Variants in LAP3 observed in about 807,000 individuals in gnomAD.
LAP3 encodes the protein leucine aminopeptidase 3.
LAP3 carries 46 observed loss-of-function variants against 58.8 expected under a neutral mutation model. The observed-to-expected ratio is 0.78, with a 90% confidence interval of 0.62 to 1.00. The LOEUF (loss-of-function observed/expected upper bound fraction) is 1.00, where lower values mean the gene tolerates loss of function less well. LAP3 is among the 50% of genes least tolerant of loss of function. The pLI, the probability that LAP3 is intolerant of heterozygous loss-of-function variation, is 0.00. For missense variants in LAP3, 615 were observed against 659.1 expected (o/e 0.93, Z 0.73); for synonymous variants, 257 against 237.7 (o/e 1.08, Z -0.75).
At position 17,577,222 on chromosome 4, in the gene LAP3, A is replaced by T; in HGVS notation, c.-244A>T. On this transcript the variant is annotated 5_prime_UTR_variant, in exon 1 of 13. The change abolishes an upstream ATG in the 5' untranslated region. Coordinates refer to ENST00000226299, the MANE Select transcript of LAP3 (RefSeq NM_015907.3). Reference sequence around the variant, plus strand: ...CGCACACGAATGCGGGCGCACACGAATGCGGGCGCACACGAATGCGGGCGC... The same window carrying T: ...CGCACACGAATGCGGGCGCACACGATTGCGGGCGCACACGAATGCGGGCGC... The T allele has an allele frequency of 2.8e-6, 1 of 357,890 alleles. No individual in the cohort carries two copies. Among genetic ancestry groups the T allele is most frequent in the Non-Finnish European group, 5.0e-6 (1 of 200,540 alleles). The allele number at this position is 357,890 out of a possible 1,614,324, so 22.2% of individuals were successfully genotyped here.
intron 12 of LAP3, among the ~76,000 whole-genome samples, 171 bp from the exon 13 acceptor site, chr4:17,607,229 T>A (rs1433520808): frequency 1.3e-5 from 2 of 152,218 alleles, no homozygotes; most frequent in South Asian, 2.1e-4. Context: ...CTTTACTGCT[T>A]AAAGCAATAT....
At chr4:17,598,614 G>C in intron 10 of LAP3, 56 bp downstream of exon 10, 1 of 1,226,762 alleles carries the variant, frequency 8.2e-7, no homozygotes, top group Non-Finnish European at 1.2e-6. Flanking sequence ...TCGTTGCATG[G>C]ATTTCACACA....
intron 12 of LAP3, 34 bp from the exon 13 acceptor site, chr4:17,607,366 G>A (rs763448238): frequency 6.4e-7 from 1 of 1,572,758 alleles, no homozygotes; most frequent in East Asian, 2.3e-5. Context: ...ACATTTACAT[G>A]GGGTTGTAAA....
intron 9 of LAP3, among the ~76,000 whole-genome samples, chr4:17,597,901 C>T (rs191931948): frequency 1.2e-3 from 184 of 152,262 alleles, no homozygotes; most frequent in African/African-American, 4.0e-3. Flanking sequence ...ACTCAGAAAA[C>T]GACTGGACCT....
chr4:17,590,948 T>C (rs1001365221), intron 7 of LAP3, among the ~76,000 whole-genome samples: 5 of 108,772 alleles, frequency 4.6e-5, no homozygotes, highest in African/African-American at 1.5e-4. Context: ...TTTTTTTTTT[T>C]AGTAGAGACG....
intron 4 of LAP3, 113 bp downstream of exon 4, chr4:17,582,506 A>G: frequency 1.3e-6 from 1 of 744,688 alleles, no homozygotes; most frequent in South Asian, 1.8e-5. Context: ...TTCACACAGA[A>G]ATAATTCATC....
At chr4:17,595,386 T>G (rs1282025888) in intron 7 of LAP3, 24 bp from the exon 8 acceptor site, 3 of 1,611,824 alleles carry the variant, frequency 1.9e-6, no homozygotes, top group Non-Finnish European at 2.5e-6. Flanking sequence ...CTCTTAATAT[T>G]GCACGTTGTC....
At chr4:17,581,586 AAAAAAG>A (rs1042169499) in intron 2 of LAP3, among the ~76,000 whole-genome samples, 168 bp from the exon 3 acceptor site, 10 of 152,166 alleles carry the variant, frequency 6.6e-5, no homozygotes, top group Non-Finnish European at 7.3e-5. Context: ...TTAAAAAAAA[AAAAAAG>A]AAAGAAATCT....
At chr4:17,586,610 G>A (rs2109019445) in intron 6 of LAP3, among the ~76,000 whole-genome samples, 1 of 152,244 alleles carries the variant, frequency 6.6e-6, no homozygotes, top group South Asian at 2.1e-4. Context: ...GAATAGGGAG[G>A]TAAATGGCAT....
At chr4:17,593,738 G>A (rs9995197) in intron 7 of LAP3, among the ~76,000 whole-genome samples, 5 of 147,030 alleles carry the variant, frequency 3.4e-5, no homozygotes, top group African/African-American at 1.0e-4. Context: ...TCAACCTCCC[G>A]AGTAGCTGGG....
In LAP3 at chr4:17,606,921, C is replaced by A; in HGVS notation, c.1353C>A (p.Asn451Lys). The A allele has an allele frequency of 6.2e-7, 1 of 1,609,166 alleles. No individual in the cohort carries two copies. Among genetic ancestry groups the A allele is most frequent in the Non-Finnish European group, 8.5e-7 (1 of 1,176,400 alleles). ...QVVDCQLADV[N>K]NIGKYRSAGA... ...TAGATTGCCAGCTTGCTGATGTTAACAACATTGGAAAATACAGGTATGTAA... is the reference window on the plus strand; with the variant it reads ...TAGATTGCCAGCTTGCTGATGTTAAAAACATTGGAAAATACAGGTATGTAA... The change falls in exon 12 of 13, where the codon AAC (asparagine) becomes AAA (lysine). Residue 451 changes from asparagine to lysine, a missense_variant. Transcript: ENST00000226299.
At chr4:17,606,728 A>G (rs1714152427) in intron 11 of LAP3, 101 bp from the exon 12 acceptor site, 2 of 650,058 alleles carry the variant, frequency 3.1e-6, no homozygotes, top group Non-Finnish European at 5.4e-6. Context: ...TTAGAGTAAC[A>G]GGTTAGAACA....
intron 9 of LAP3, 50 bp downstream of exon 9, chr4:17,597,184 C>T: frequency 6.9e-7 from 1 of 1,457,648 alleles, no homozygotes; most frequent in South Asian, 1.1e-5. Flanking sequence ...CCTCAGGAAT[C>T]CCGTGGTGGC....
chr4:17,590,606 C>T (rs1330621381), intron 7 of LAP3, among the ~76,000 whole-genome samples: 1 of 152,186 alleles, frequency 6.6e-6, no homozygotes, highest in Non-Finnish European at 1.5e-5. Flanking sequence ...GAGTCTAGCT[C>T]TGTTGCCCAG....
At chr4:17,587,944 A>AT (rs796220201) in intron 6 of LAP3, among the ~76,000 whole-genome samples, 4,094 of 141,354 alleles carry the variant, frequency 0.029, 146 homozygotes, top group African/African-American at 0.088. Context: ...CTGTTGGTTG[A>AT]TTTTTTTTTT....
intron 10 of LAP3, among the ~76,000 whole-genome samples, chr4:17,601,080 T>C (rs1713971644): frequency 6.6e-6 from 1 of 152,202 alleles, no homozygotes; most frequent in Admixed American, 6.5e-5. Context: ...AGTGTTTCTT[T>C]TCATTTTCTT....
In LAP3 at chr4:17,607,616, C is replaced by G; in HGVS notation, c.*27C>G. 1 of 1,557,214 alleles carries G rather than the reference C, an allele frequency of 6.4e-7. No homozygotes were observed. Among genetic ancestry groups the G allele is most frequent in the Non-Finnish European group, 8.7e-7 (1 of 1,148,054 alleles). On this transcript the variant is annotated 3_prime_UTR_variant, in exon 13 of 13. Transcript: ENST00000226299. The stretch of plus-strand genomic sequence containing the variant: ...TCAGATACTCAAAAATGTCTTCACT[C>G]TGTCTTAAATTGGACAGTTGAACTT...
rs574369935 is a variant in LAP3, at chr4:17,582,463, T to C, written c.379+70T>C. On this transcript the variant is annotated intron_variant, in intron 4 of 12. Coordinates refer to ENST00000226299, the MANE Select transcript of LAP3 (RefSeq NM_015907.3). ...TTTTGATGACCTCTCTTTCCCCTTT[T>C]TGTCCTTTTACCAGTTGCCACCCCT... is the stretch of plus-strand genomic sequence containing the variant. The C allele has an allele frequency of 4.7e-6, 6 of 1,275,680 alleles. No homozygotes were observed. In the Admixed American group the frequency reaches 1.2e-4, roughly 26 times the overall value. 79.0% of individuals were successfully genotyped at this position (1,275,680 alleles called of 1,614,324 possible). A position where few individuals can be genotyped will look rare whatever the true frequency, so the allele number is the denominator to read the frequency against.
intron 9 of LAP3, among the ~76,000 whole-genome samples, chr4:17,597,980 G>A (rs1051004392): frequency 6.6e-6 from 1 of 152,176 alleles, no homozygotes; most frequent in East Asian, 1.9e-4. Context: ...TTCTAGGATT[G>A]AGACTGCCAT....
Sources: gnomAD v4.1 joint callset for allele counts (sites outside exome capture counted in the v4.1 genomes callset) on GRCh38, gnomAD v4.1.1 for gene constraint, MANE v1.5 for transcripts, NCBI Gene and HGNC (gene_info 2026-07-23, HGNC 2026-07-21) for gene names.